The following KLHL26 variants were observed in gnomAD, a reference collection of about 807,000 sequenced individuals.
KLHL26 encodes kelch like family member 26.
In KLHL26, 4 loss-of-function variants were observed where a neutral mutation model predicts 7.1. The observed-to-expected ratio is 0.56, with a 90% CI of 0.28 to 1.28. The LOEUF is 1.28. Ranked by LOEUF, KLHL26 falls within the 50% of genes most tolerant of loss-of-function variation. The pLI, the probability that KLHL26 is intolerant of heterozygous loss-of-function variation, is 0.11. For synonymous variants in KLHL26, 465 were observed against 414.1 expected (o/e 1.12, Z -1.49); for missense variants, 896 against 924.6 (o/e 0.97, Z 0.40).
intron 1 of KLHL26, among the ~76,000 whole-genome samples, chr19:18,663,751 A>G (rs1282626504): frequency 7.1e-6 from 1 of 140,424 alleles, no homozygotes; most frequent in Non-Finnish European, 1.5e-5. Flanking sequence ...CAAATGAAAT[A>G]GCAAAGGGGT....
chr19:18,662,652 A>G (rs1013779390), intron 1 of KLHL26, among the ~76,000 whole-genome samples: 12 of 152,192 alleles, frequency 7.9e-5, no homozygotes, highest in Non-Finnish European at 1.6e-4. Flanking sequence ...ATTCGTGGGA[A>G]GCAATGAGAC....
rs1337580875 is a variant in KLHL26, at chr19:18,664,399, T to C, written c.222T>C (p.Phe74=). The C allele has an allele frequency of 6.2e-7, 1 of 1,604,204 alleles. No homozygotes were observed. The highest frequency in any genetic ancestry group is 1.7e-5 in the Admixed American group (1 of 59,564). The stretch of plus-strand genomic sequence containing the variant: ...TGCTGACTATTAACAGAGAGGCCTT[T>C]CCTGCACACAAGGTCGTCCTGGCTG... ...DVVLTINREA[F]PAHKVVLAAC... Residue 74 remains phenylalanine (F), a synonymous_variant, in exon 2 of 3, where the codon TTT becomes TTC. Transcript: ENST00000300976.
chr19:18,663,224 T>C (rs1046100202), intron 1 of KLHL26, among the ~76,000 whole-genome samples: 3 of 152,242 alleles, frequency 2.0e-5, no homozygotes, highest in Non-Finnish European at 4.4e-5. Context: ...GCAACTTCTC[T>C]GCCTGTGGTG....
chr19:18,665,808 C>A (rs921257968), intron 2 of KLHL26, among the ~76,000 whole-genome samples: 3 of 152,294 alleles, frequency 2.0e-5, no homozygotes, highest in South Asian at 4.1e-4. Flanking sequence ...CAGGTGGTGA[C>A]CCCGCCAGAG....
At chr19:18,642,379 GTGTT>G (rs1035032154) in intron 1 of KLHL26, among the ~76,000 whole-genome samples, 8 of 151,500 alleles carry the variant, frequency 5.3e-5, no homozygotes, top group African/African-American at 1.7e-4. Flanking sequence ...GTGTGTGTGT[GTGTT>G]TGAGATGGAG....
At chr19:18,638,565 A>T (rs1027604414) in intron 1 of KLHL26, among the ~76,000 whole-genome samples, 2 of 152,134 alleles carry the variant, frequency 1.3e-5, no homozygotes, top group African/African-American at 4.8e-5. Context: ...ATTTTCAGAG[A>T]TATTCAGGGA....
At chr19:18,667,469 G>A in intron 2 of KLHL26, 195 bp from the exon 3 acceptor site, 3 of 895,420 alleles carry the variant, frequency 3.4e-6, no homozygotes, top group South Asian at 3.6e-5. Context: ...TTCCCAAAGT[G>A]CTGGGATTAC....
chr19:18,664,975 A>G (rs1395803120), intron 2 of KLHL26, among the ~76,000 whole-genome samples: 1 of 151,568 alleles, frequency 6.6e-6, no homozygotes, highest in Non-Finnish European at 1.5e-5. Flanking sequence ...ACATGCCTGG[A>G]GGGACAGAGA....
At position 18,656,056 on chromosome 19, in the gene KLHL26, A is replaced by G. The variant is rs1015687881; in HGVS notation, c.84-8205A>G. On this transcript the variant is annotated intron_variant, in intron 1 of 2. Transcript: ENST00000300976. This position sits in a 1 kb window ranked among gnomAD's most constrained non-coding sequence, Gnocchi z 4.4. ...CTCCTTCCTCATCTAGAACACCCCC[A>G]TGCTCCTGAGATGACAGCTTGCAAA... 5.3e-5 allele frequency among the ~76,000 whole-genome samples: 8 copies of G among 151,966 alleles called. No homozygotes were observed. Among genetic ancestry groups the G allele is most frequent in the Non-Finnish European group, 1.2e-4 (8 of 67,980 alleles).
intron 1 of KLHL26, chr19:18,644,644 C>G (rs1460494464): frequency 1.3e-5 from 2 of 152,310 alleles, no homozygotes; most frequent in East Asian, 3.9e-4. Context: ...GCTTATTGCT[C>G]TCTGAGGCTT....
chr19:18,667,781 G>A lies in KLHL26; in HGVS notation c.384G>A (p.Leu128=). ...IDFAYSAEVT[L]DLDCVQDVLG... ...TCGCCTACAGCGCCGAGGTGACACT[G>A]GACCTGGACTGCGTGCAGGACGTGC... The change falls in exon 3 of 3, where the codon CTG becomes CTA. Residue 128 remains leucine (L), a synonymous_variant. Transcript: ENST00000300976. 1.2e-6 allele frequency: 2 copies of A among 1,613,432 alleles called. No individual in the cohort carries two copies. Among genetic ancestry groups the A allele is most frequent in the Non-Finnish European group, 1.7e-6 (2 of 1,180,004 alleles).
rs747241256 is a variant in KLHL26 at position 18,668,698 on chromosome 19, GC to G, written c.1306del (p.Arg436GlyfsTer11). The stretch of plus-strand genomic sequence containing the variant: ...AGCCTGGCCTCCGTGGAGCGGTACT[GC>G]CCCCGGCGCAATGAGTGGGGCTACG... ...AGSLASVERY[C>X]PRRNEWGYAC... On this transcript the variant is annotated frameshift_variant, in exon 3 of 3. Transcript: ENST00000300976. LOFTEE classifies it low-confidence loss of function (END_TRUNC). 4.5e-6 allele frequency: 7 copies of G among 1,571,686 alleles called. No homozygotes were observed. Among genetic ancestry groups the G allele is most frequent in the Non-Finnish European group, 4.3e-6 (5 of 1,163,758 alleles).
chr19:18,644,038 C>T (rs1568454727), intron 1 of KLHL26, among the ~76,000 whole-genome samples: 1 of 152,240 alleles, frequency 6.6e-6, no homozygotes. Flanking sequence ...TTTGTCCCCG[C>T]AAAAGGTGAC....
At chr19:18,652,635 A>C (rs1305367575) in intron 1 of KLHL26, among the ~76,000 whole-genome samples, 6 of 146,386 alleles carry the variant, frequency 4.1e-5, no homozygotes, top group Admixed American at 6.8e-5. Context: ...CAGTGCTGCC[A>C]CCTGGGAGCC....
In KLHL26 at chr19:18,649,697, C is replaced by G. The variant is rs919909531; in HGVS notation, c.83+12560C>G. Among the ~76,000 whole-genome samples the G allele has an allele frequency of 6.6e-6, 1 of 152,364 alleles. No homozygotes were observed. The highest frequency in any genetic ancestry group is 2.4e-5 in the African/African-American group (1 of 41,592). ...CCGCCCTCCTCCTCTGGTAGCCGCT[C>G]TGCAGCTGTGCGGACCAGCTCTCTT... is the stretch of plus-strand genomic sequence containing the variant. On this transcript the variant is annotated intron_variant, in intron 1 of 2. Transcript: ENST00000300976. This position sits in a 1 kb window ranked among gnomAD's most constrained non-coding sequence, Gnocchi z 4.0.
At chr19:18,667,143 CT>C (rs112708511) in intron 2 of KLHL26, among the ~76,000 whole-genome samples, 18,034 of 143,638 alleles carry the variant, frequency 0.13, 1,173 homozygotes, top group African/African-American at 0.19. Flanking sequence ...GATTCAAAAT[CT>C]TTTTTTTTTT....
In KLHL26 at chr19:18,670,703, T is replaced by A. The variant is rs2052518744; in HGVS notation, c.*1458T>A. On this transcript the variant is annotated 3_prime_UTR_variant, in exon 3 of 3. Transcript: ENST00000300976. ...AGGACTTTCACCCTGGCGTTTTTTG[T>A]TGTTGGTTTTTTTGTTTTTTTGAGA... The A allele has an allele frequency of 6.6e-6, 1 of 151,768 alleles. No homozygotes were observed. The highest frequency in any genetic ancestry group is 2.1e-4 in the South Asian group (1 of 4,776). The allele number at this position is 151,768 out of a possible 1,614,324, so 9.4% of individuals were successfully genotyped here. A position where few individuals can be genotyped will look rare whatever the true frequency, so the allele number is the denominator to read the frequency against.
At position 18,667,982 on chromosome 19, in the gene KLHL26, C is replaced by A. The variant is rs150325569; in HGVS notation, c.585C>A (p.Ile195=). 1 of 1,608,346 alleles carries A rather than the reference C, an allele frequency of 6.2e-7. No individual in the cohort carries two copies. Among genetic ancestry groups the A allele is most frequent in the South Asian group, 1.1e-5 (1 of 91,090 alleles). Residue 195 remains isoleucine (I), a synonymous_variant, in exon 3 of 3, where the codon ATC becomes ATA. Transcript: ENST00000300976. Reference sequence around the variant, plus strand: ...TCACCTTCCGGCACTTCCTGCAGATCGCCGAGGAGGAGGATTTCCTGCGCC... The same window carrying A: ...TCACCTTCCGGCACTTCCTGCAGATAGCCGAGGAGGAGGATTTCCTGCGCC... ...DAFTFRHFLQ[I]AEEEDFLRLP... is the part of the protein sequence containing the mutation.
In KLHL26 at chr19:18,650,564, T is replaced by C. The variant is rs1264244163; in HGVS notation, c.83+13427T>C. On this transcript the variant is annotated intron_variant, in intron 1 of 2. Transcript: ENST00000300976. This position sits in a 1 kb window ranked among gnomAD's most constrained non-coding sequence, Gnocchi z 4.2. ...CCCCCTCCTCGGGTCCTCGTGGCTC[T>C]CTGTCGTGTGAAGCGGGGGGTCAGG... Among the ~76,000 whole-genome samples, 1 of 152,204 alleles carries C rather than the reference T, an allele frequency of 6.6e-6. No homozygotes were observed. The highest frequency in any genetic ancestry group is 1.5e-5 in the Non-Finnish European group (1 of 68,034).
Sources: allele counts gnomAD v4.1 joint callset (sites outside exome capture counted in the v4.1 genomes callset), GRCh38; gene constraint gnomAD v4.1.1; non-coding constraint Gnocchi (gnomAD v3.1); transcripts MANE v1.5; gene names NCBI Gene and HGNC (gene_info 2026-07-23, HGNC 2026-07-21).